Variants in ASAP2 observed in about 807,000 individuals in gnomAD.
ASAP2 encodes arf-GAP with SH3 domain, ANK repeat and PH domain-containing protein 2.
Under a neutral mutation model 131.4 loss-of-function variants are expected in ASAP2, and 45 were observed. The observed-to-expected ratio is 0.34, with a 90% CI of 0.27 to 0.44. ASAP2 has a LOEUF of 0.44. ASAP2 is among the 20% of genes least tolerant of loss of function. ASAP2 has a pLI of 1.00. For missense variants in ASAP2, 1,011 were observed against 1,297.0 expected (o/e 0.78, Z 3.39); for synonymous variants, 510 against 503.0 (o/e 1.01, Z -0.19).
rs752012368 is a variant in ASAP2, at chr2:9,391,066, G to C, written c.2388G>C (p.Gln796His). 1.2e-6 allele frequency: 2 copies of C among 1,614,252 alleles called. No homozygotes were observed. The highest frequency in any genetic ancestry group is 3.3e-5 in the Admixed American group (2 of 60,030). ...TGTGCATGCGTGTGGGTTCAGTTCA[G>C]ACAGCCTCCTCTGCTAACACCCTGT... ...PLPPRNVGKV[Q>H]TASSANTLWK... is the part of the protein sequence containing the mutation. The change falls in exon 23 of 28, where the codon CAG (glutamine) becomes CAC (histidine). Residue 796 changes from glutamine to histidine, a missense_variant. This residue lies in a region of ASAP2 where 652 missense variants were observed against 698.9 expected (regional missense o/e 0.93). Transcript: ENST00000281419.
intron 3 of ASAP2, among the ~76,000 whole-genome samples, chr2:9,304,980 T>C (rs1668764935): frequency 6.9e-6 from 1 of 145,180 alleles, no homozygotes; most frequent in African/African-American, 2.6e-5. Context: ...GGGGTATAGA[T>C]ATTGGTGGAC....
chr2:9,220,795 A>AT (rs1662362068), intron 1 of ASAP2, among the ~76,000 whole-genome samples: 1 of 152,176 alleles, frequency 6.6e-6, no homozygotes, highest in South Asian at 2.1e-4. Context: ...CAGTTCTTAC[A>AT]TTTAGGTCTT....
At chr2:9,264,624 C>T (rs1238750638) in intron 1 of ASAP2, among the ~76,000 whole-genome samples, 2 of 152,084 alleles carry the variant, frequency 1.3e-5, no homozygotes, top group Non-Finnish European at 2.9e-5. Flanking sequence ...GTAAAGTTTT[C>T]AGGTGATAGC....
At chr2:9,354,697 G>A (rs1286521021) in intron 12 of ASAP2, among the ~76,000 whole-genome samples, 1 of 152,010 alleles carries the variant, frequency 6.6e-6, no homozygotes, top group Non-Finnish European at 1.5e-5. Context: ...TGTAGAAAGT[G>A]GTCGGGCCAG....
At chr2:9,373,108 C>T (rs74849304) in intron 16 of ASAP2, among the ~76,000 whole-genome samples, 2,512 of 152,232 alleles carry the variant, frequency 0.017, 65 homozygotes, top group African/African-American at 0.057. Flanking sequence ...CACGGGTTAG[C>T]GCTGTGTGGA....
intron 24 of ASAP2, among the ~76,000 whole-genome samples, chr2:9,397,857 C>T (rs747660435): frequency 3.5e-5 from 5 of 142,254 alleles, no homozygotes; most frequent in South Asian, 2.3e-4. Context: ...CTCCCGGGTT[C>T]ACGCCATTCT....
At chr2:9,297,800 T>C (rs1281134733) in intron 3 of ASAP2, among the ~76,000 whole-genome samples, 1 of 152,220 alleles carries the variant, frequency 6.6e-6, no homozygotes, top group Non-Finnish European at 1.5e-5. Flanking sequence ...GCTTATAATA[T>C]TTAATAAATA....
At chr2:9,254,227 A>T (rs1165494707) in intron 1 of ASAP2, among the ~76,000 whole-genome samples, 1 of 108,178 alleles carries the variant, frequency 9.2e-6, no homozygotes, top group Non-Finnish European at 1.9e-5. Context: ...AAAAAAAAAA[A>T]AAAAAAAAAA....
chr2:9,360,887 CAT>C (rs1390622887), intron 15 of ASAP2, among the ~76,000 whole-genome samples: 6 of 152,260 alleles, frequency 3.9e-5, no homozygotes, highest in Admixed American at 2.0e-4. Context: ...ACAGTTGACT[CAT>C]ATGAGCTGGT....
intron 3 of ASAP2, among the ~76,000 whole-genome samples, chr2:9,301,980 T>A (rs925725795): frequency 6.6e-6 from 1 of 151,894 alleles, no homozygotes; most frequent in Non-Finnish European, 1.5e-5. Context: ...CCCACCGCCA[T>A]GCCCGGCTAG....
intron 24 of ASAP2, among the ~76,000 whole-genome samples, chr2:9,397,739 TATATATATA>T (rs1676260834): frequency 1.1e-5 from 1 of 91,750 alleles, no homozygotes; most frequent in African/African-American, 8.2e-5. Context: ...TATATATATA[TATATATATA>T]TATTTTTTTT....
intron 1 of ASAP2, among the ~76,000 whole-genome samples, chr2:9,235,970 G>GTGCT (rs1008918752): frequency 6.6e-6 from 1 of 152,184 alleles, no homozygotes; most frequent in African/African-American, 2.4e-5. Context: ...GGGGACTGGG[G>GTGCT]TGCTGGTGGC....
intron 1 of ASAP2, among the ~76,000 whole-genome samples, chr2:9,274,317 ATCT>A (rs1288408194): frequency 2.7e-4 from 26 of 95,598 alleles, no homozygotes; most frequent in African/African-American, 9.8e-4. Context: ...CTAGCATTCA[ATCT>A]TTTTTTTTTT....
rs1667101338 is a variant in ASAP2, at chr2:9,281,085, G to T, written c.199+1696G>T. Among the ~76,000 whole-genome samples, 1 of 151,898 alleles carries T rather than the reference G, an allele frequency of 6.6e-6. No individual in the cohort carries two copies. On this transcript the variant is annotated intron_variant, in intron 2 of 27. Coordinates refer to ENST00000281419, the MANE Select transcript of ASAP2 (RefSeq NM_003887.3). This position sits in a 1 kb window ranked among gnomAD's most constrained non-coding sequence, Gnocchi z 4.0. ...AGACTTCAGTGAGTCACTAAGAAAT[G>T]GTACGCCCAGTTTCATTGACAAGCA...
intron 1 of ASAP2, among the ~76,000 whole-genome samples, chr2:9,259,936 A>G (rs1191856265): frequency 6.6e-6 from 1 of 152,144 alleles, no homozygotes; most frequent in Non-Finnish European, 1.5e-5. Context: ...CCCAGGTCTA[A>G]AATTGGGAAT....
intron 15 of ASAP2, among the ~76,000 whole-genome samples, chr2:9,364,946 A>G (rs779141893): frequency 6.6e-6 from 1 of 152,232 alleles, no homozygotes; most frequent in Non-Finnish European, 1.5e-5. Context: ...CAGGATTTAC[A>G]TTCCAACTAT....
intron 3 of ASAP2, among the ~76,000 whole-genome samples, chr2:9,312,606 C>T (rs999483439): frequency 6.6e-6 from 1 of 152,186 alleles, no homozygotes; most frequent in Non-Finnish European, 1.5e-5. Flanking sequence ...CCTCTGGTAT[C>T]TAGGCTAGAA....
chr2:9,344,414 T>A (rs1671810039), intron 9 of ASAP2, 118 bp from the exon 10 acceptor site: 1 of 781,238 alleles, frequency 1.3e-6, no homozygotes, highest in Non-Finnish European at 2.0e-6. Context: ...GGGAAATTTC[T>A]CCAATTTTTG....
At position 9,213,124 on chromosome 2, in the gene ASAP2, A is replaced by G. The variant is rs927399535; in HGVS notation, c.126+5894A>G. Among the ~76,000 whole-genome samples, 8 of 152,242 alleles carry G rather than the reference A, an allele frequency of 5.3e-5. No homozygotes were observed. In the South Asian group the frequency reaches 1.2e-3, roughly 24 times the overall value. On this transcript the variant is annotated intron_variant, in intron 1 of 27. Transcript: ENST00000281419. The stretch of plus-strand genomic sequence containing the variant: ...GCTGTAAAGGAAAGTCATGCATAAC[A>G]TGGGGATAGAAAGTGGTTCTGGAGA...
Sources: allele counts gnomAD v4.1 joint callset (sites outside exome capture counted in the v4.1 genomes callset), GRCh38; gene constraint gnomAD v4.1.1; regional missense constraint gnomAD v4.1.1; non-coding constraint Gnocchi (gnomAD v3.1); transcripts MANE v1.5; gene names NCBI Gene and HGNC (gene_info 2026-07-23, HGNC 2026-07-21).